ASRGL1: variants seen among roughly 807,000 people sequenced by gnomAD.
ASRGL1 encodes the protein asparaginase and isoaspartyl peptidase 1.
Under a neutral mutation model 22.4 loss-of-function variants are expected in ASRGL1, and 16 were observed. The ratio of observed to expected loss-of-function variants is 0.71; its 90% CI spans 0.48 to 1.08. The LOEUF is 1.08. Ranked by LOEUF, ASRGL1 falls within the 50% of genes least tolerant of loss-of-function variation. The pLI is 0.00. For synonymous variants in ASRGL1, 165 were observed against 159.3 expected (o/e 1.04, Z -0.27); for missense variants, 412 against 410.1 (o/e 1.00, Z -0.04).
intron 4 of ASRGL1, among the ~76,000 whole-genome samples, chr11:62,387,738 T>A (rs1204463766): frequency 3.3e-5 from 5 of 152,232 alleles, no homozygotes; most frequent in Non-Finnish European, 7.3e-5. Flanking sequence ...TTTTGTCACC[T>A]GACATATTAT....
At chr11:62,364,443 A>C (rs1946561582) in intron 4 of ASRGL1, among the ~76,000 whole-genome samples, 1 of 152,122 alleles carries the variant, frequency 6.6e-6, no homozygotes, top group Non-Finnish European at 1.5e-5. Context: ...GGAGGTTCCT[A>C]AAGAAATTAA....
chr11:62,386,355 A>G (rs752966064), intron 4 of ASRGL1, among the ~76,000 whole-genome samples: 6 of 74,968 alleles, frequency 8.0e-5, no homozygotes, highest in Non-Finnish European at 2.0e-4. Flanking sequence ...CCACATTCAC[A>G]TAACTTTTAC....
At chr11:62,376,597 G>A (rs1437596684) in intron 4 of ASRGL1, among the ~76,000 whole-genome samples, 1 of 152,098 alleles carries the variant, frequency 6.6e-6, no homozygotes, top group Non-Finnish European at 1.5e-5. Flanking sequence ...AAAATTTAAA[G>A]TATAGAGTGC....
At chr11:62,359,091 T>C (rs1318619916) in intron 4 of ASRGL1, among the ~76,000 whole-genome samples, 2 of 152,182 alleles carry the variant, frequency 1.3e-5, no homozygotes, top group African/African-American at 2.4e-5. Context: ...GTAGTGTCTG[T>C]AGAAGTTGCA....
At chr11:62,376,660 T>C (rs1360530993) in intron 4 of ASRGL1, among the ~76,000 whole-genome samples, 1 of 152,130 alleles carries the variant, frequency 6.6e-6, no homozygotes, top group East Asian at 1.9e-4. Flanking sequence ...TCCCCCTTCG[T>C]TTTGTTTAAC....
intron 4 of ASRGL1, among the ~76,000 whole-genome samples, chr11:62,388,753 G>GAGCTCCTCT (rs1280409824): frequency 1.3e-5 from 2 of 151,404 alleles, no homozygotes; most frequent in Non-Finnish European, 2.9e-5. Flanking sequence ...TCTCCTCTTG[G>GAGCTCCTCT]TGGCAGCTTC....
chr11:62,371,759 T>C, intron 4 of ASRGL1: 1 of 503,348 alleles, frequency 2.0e-6, no homozygotes, highest in Non-Finnish European at 3.7e-6. Context: ...CAGACCATCC[T>C]GGCTAACACG....
At chr11:62,394,007 TATATATTATA>T (rs1340584841), downstream of ASRGL1, among the ~76,000 whole-genome samples, 2 of 145,496 alleles carry the variant, frequency 1.4e-5, no homozygotes, top group Non-Finnish European at 3.0e-5. Context: ...AGATATAATT[TATATATTATA>T]ATATATAAAT....
intron 4 of ASRGL1, among the ~76,000 whole-genome samples, chr11:62,376,080 G>A (rs1421692231): frequency 2.3e-5 from 3 of 128,568 alleles, no homozygotes; most frequent in Non-Finnish European, 4.7e-5. Context: ...CCAGCCTGGT[G>A]ACGGAGCAAG....
intron 4 of ASRGL1, among the ~76,000 whole-genome samples, chr11:62,367,731 C>T (rs973357918): frequency 1.3e-5 from 2 of 151,886 alleles, no homozygotes; most frequent in African/African-American, 4.8e-5. Flanking sequence ...ATCACAAGGT[C>T]AGGAGTTCGA....
At chr11:62,348,718 G>T (rs960180363) in intron 2 of ASRGL1, among the ~76,000 whole-genome samples, 1 of 149,780 alleles carries the variant, frequency 6.7e-6, no homozygotes, top group African/African-American at 2.5e-5. Flanking sequence ...AAAAAAAAAA[G>T]AAATGTAAAA....
downstream of ASRGL1, among the ~76,000 whole-genome samples, chr11:62,396,490 T>C (rs1947434339): frequency 6.6e-6 from 1 of 151,858 alleles, no homozygotes; most frequent in South Asian, 2.1e-4. Flanking sequence ...AAAATTGGAG[T>C]TTCCCCGGTC....
intron 4 of ASRGL1, among the ~76,000 whole-genome samples, chr11:62,366,044 G>A (rs1466829710): frequency 4.2e-4 from 62 of 146,662 alleles, no homozygotes; most frequent in African/African-American, 1.5e-3. Flanking sequence ...CAGACTGCCC[G>A]AGCTCAGGAG....
At chr11:62,339,753 C>T (rs1019754320) in intron 2 of ASRGL1, among the ~76,000 whole-genome samples, 1 of 152,110 alleles carries the variant, frequency 6.6e-6, no homozygotes, top group Admixed American at 6.6e-5. Context: ...TCAGATCAGA[C>T]TAAGGCATAA....
At chr11:62,338,401 C>T (rs1227453686) in intron 2 of ASRGL1, 2 of 456,212 alleles carry the variant, frequency 4.4e-6, no homozygotes, top group Non-Finnish European at 7.6e-6. Flanking sequence ...TGATACAGCT[C>T]TTGGGAAATC....
chr11:62,374,745 C>G (rs1289547665), intron 4 of ASRGL1, among the ~76,000 whole-genome samples: 1 of 152,170 alleles, frequency 6.6e-6, no homozygotes, highest in Non-Finnish European at 1.5e-5. Context: ...AAGACTTAGT[C>G]TGACGCCACG....
At chr11:62,365,743 G>C (rs1035638877) in intron 4 of ASRGL1, among the ~76,000 whole-genome samples, 13 of 152,210 alleles carry the variant, frequency 8.5e-5, no homozygotes, top group South Asian at 4.1e-4. Context: ...TCAGCTATTT[G>C]AGAGGCTGAA....
the ASRGL1 span, among the ~76,000 whole-genome samples, chr11:62,401,325 G>GT: frequency 2.0e-5 from 3 of 152,354 alleles, no homozygotes; most frequent in African/African-American, 7.2e-5. Context: ...GGCTGGGGGA[G>GT]TGGCTGTCCC....
downstream of ASRGL1, among the ~76,000 whole-genome samples, chr11:62,394,509 T>C (rs10897268): frequency 0.79 from 119,605 of 151,300 alleles, 47,351 homozygotes; most frequent in South Asian, 0.84. Flanking sequence ...CAGAATTCAG[T>C]CCATAACAGG....
Sources: allele counts gnomAD v4.1 joint callset (sites outside exome capture counted in the v4.1 genomes callset), GRCh38; gene constraint gnomAD v4.1.1; transcripts MANE v1.5; gene names NCBI Gene and HGNC (gene_info 2026-07-23, HGNC 2026-07-21).